Variants in RNF138 observed in about 807,000 individuals in gnomAD.
RNF138 encodes E3 ubiquitin-protein ligase RNF138.
RNF138 carries 12 observed loss-of-function variants against 31.0 expected under a neutral mutation model. That is an observed-to-expected ratio of 0.39 (90% CI 0.25 to 0.63). The LOEUF is 0.63. Ranked by LOEUF, RNF138 falls within the 20% of genes least tolerant of loss-of-function variation. RNF138 has a pLI of 0.52. For synonymous variants in RNF138, 105 were observed against 99.5 expected (o/e 1.06, Z -0.33); for missense variants, 192 against 300.1 (o/e 0.64, Z 2.66).
rs2144295779 is a variant in RNF138 at position 32,126,867 on chromosome 18, A to G, written c.669+67A>G. ...TTAAAGTTAAAATAACTTTTTTGTA[A>G]TCGACTTAAATTTTGTGGCAAGCTG... is the stretch of plus-strand genomic sequence containing the variant. On this transcript the variant is annotated intron_variant, in intron 7 of 7. Coordinates refer to ENST00000261593, the MANE Select transcript of RNF138 (RefSeq NM_016271.5). 6.2e-6 allele frequency: 6 copies of G among 973,310 alleles called. No homozygotes were observed. The South Asian group carries it at 7.1e-5, about 11-fold the overall frequency. 60.3% of individuals were successfully genotyped at this position (973,310 alleles called of 1,614,324 possible).
At chr18:32,123,648 T>C in intron 5 of RNF138, 74 bp downstream of exon 5, 3 of 1,034,556 alleles carry the variant, frequency 2.9e-6, no homozygotes, top group Non-Finnish European at 4.2e-6. Context: ...CTTTTTAAAT[T>C]AAACTTTTTT....
chr18:32,096,585 A>T (rs1398820550), intron 2 of RNF138, among the ~76,000 whole-genome samples: 1 of 152,194 alleles, frequency 6.6e-6, no homozygotes, highest in Admixed American at 6.6e-5. Context: ...AGAAAATTGC[A>T]GCCAGACAAG....
chr18:32,092,554 A>G (rs2039712487), intron 1 of RNF138, 146 bp from the exon 2 acceptor site: 2 of 536,462 alleles, frequency 3.7e-6, no homozygotes, highest in Admixed American at 6.7e-5. Context: ...CCCCTGTGGG[A>G]GGAGCCGTGG....
intron 2 of RNF138, among the ~76,000 whole-genome samples, chr18:32,105,865 T>C (rs1349092430): frequency 2.0e-5 from 3 of 152,146 alleles, no homozygotes; most frequent in Non-Finnish European, 4.4e-5. Context: ...GTGACTTTTT[T>C]CCCCCTGAAA....
At chr18:32,122,116 C>T (rs2040316035) in intron 4 of RNF138, among the ~76,000 whole-genome samples, 1 of 152,098 alleles carries the variant, frequency 6.6e-6, no homozygotes, top group African/African-American at 2.4e-5. Flanking sequence ...ATCCACCCGC[C>T]TCAGCCTTGC....
intron 6 of RNF138, 56 bp downstream of exon 6, chr18:32,124,901 T>TTA: frequency 1.2e-6 from 1 of 866,060 alleles, no homozygotes; most frequent in Non-Finnish European, 2.0e-6. Flanking sequence ...GCTGTTCTAT[T>TTA]TATTTCACTT....
intron 2 of RNF138, among the ~76,000 whole-genome samples, chr18:32,094,208 CT>C (rs11441456): frequency 6.7e-5 from 10 of 149,186 alleles, no homozygotes; most frequent in Non-Finnish European, 1.2e-4. Context: ...ACTTTTTTTT[CT>C]TTTTTTTTTG....
At chr18:32,095,076 GAAA>G (rs1439277360) in intron 2 of RNF138, among the ~76,000 whole-genome samples, 1 of 152,158 alleles carries the variant, frequency 6.6e-6, no homozygotes, top group South Asian at 2.1e-4. Context: ...GGCAGAGGGA[GAAA>G]AAAAGTTTAA....
At chr18:32,107,181 C>A (rs1391711242) in intron 2 of RNF138, among the ~76,000 whole-genome samples, 1 of 126,070 alleles carries the variant, frequency 7.9e-6, no homozygotes, top group African/African-American at 3.1e-5. Flanking sequence ...AGTGCAGTGG[C>A]GCGATCTCGG....
chr18:32,112,797 A>T (rs192752218), intron 3 of RNF138, among the ~76,000 whole-genome samples: 2 of 152,350 alleles, frequency 1.3e-5, no homozygotes, highest in Admixed American at 1.3e-4. Flanking sequence ...ATTTTATTCT[A>T]TCATTTGGAG....
At chr18:32,123,464 T>G (rs1423100027) in intron 4 of RNF138, 54 bp from the exon 5 acceptor site, 1 of 1,106,240 alleles carries the variant, frequency 9.0e-7, no homozygotes, top group East Asian at 2.6e-5. Context: ...TAATGAACCT[T>G]TAGTGTGTTT....
chr18:32,118,977 A>G (rs1568237749), intron 4 of RNF138, among the ~76,000 whole-genome samples: 1 of 152,154 alleles, frequency 6.6e-6, no homozygotes, highest in Non-Finnish European at 1.5e-5. Context: ...TTTTCTTTTT[A>G]TATCATGCCT....
At chr18:32,117,552 A>C (rs1490969578) in intron 4 of RNF138, among the ~76,000 whole-genome samples, 1 of 152,224 alleles carries the variant, frequency 6.6e-6, no homozygotes, top group African/African-American at 2.4e-5. Context: ...ACTAATTCAT[A>C]CTGTTTATTA....
At position 32,113,783 on chromosome 18, in the gene RNF138, TA is replaced by T; in HGVS notation, c.317del (p.Lys106ArgfsTer23). 6.5e-7 allele frequency: 1 copy of T among 1,539,812 alleles called. No homozygotes were observed. Among genetic ancestry groups the T allele is most frequent in the Non-Finnish European group, 8.7e-7 (1 of 1,142,954 alleles). ...YRMRHHYKSC[K>X]KYQDEYGVSS... ...GCATGAGACATCATTACAAATCTTG[TA>T]AGAAGTATCAGGATGAATATGGTGT... is the stretch of plus-strand genomic sequence containing the variant. On this transcript the variant is annotated frameshift_variant, in exon 4 of 8. Transcript: ENST00000261593. LOFTEE classifies it high-confidence loss of function.
chr18:32,093,138 C>T (rs2039736531), intron 2 of RNF138, among the ~76,000 whole-genome samples: 1 of 152,006 alleles, frequency 6.6e-6, no homozygotes, highest in South Asian at 2.1e-4. Flanking sequence ...CTCTCCCGCT[C>T]TCCCGCTCTC....
intron 2 of RNF138, among the ~76,000 whole-genome samples, chr18:32,107,720 T>A (rs2040058512): frequency 6.6e-6 from 1 of 150,430 alleles, no homozygotes; most frequent in Non-Finnish European, 1.5e-5. Context: ...GGTTTCACCA[T>A]GTTGGCCAGG....
chr18:32,106,262 C>A (rs1244011643), intron 2 of RNF138, among the ~76,000 whole-genome samples: 1 of 152,016 alleles, frequency 6.6e-6, no homozygotes, highest in African/African-American at 2.4e-5. Context: ...TTCCATAAGC[C>A]CTATAAGTTT....
intron 2 of RNF138, among the ~76,000 whole-genome samples, chr18:32,102,345 GCGCCCGCCGCCA>G (rs2039958237): frequency 6.6e-6 from 1 of 151,378 alleles, no homozygotes; most frequent in South Asian, 2.1e-4. Context: ...GGGACTACAG[GCGCCCGCCGCCA>G]CGCCCGGCTA....
At chr18:32,122,742 C>G (rs1279744995) in intron 4 of RNF138, among the ~76,000 whole-genome samples, 2 of 152,028 alleles carry the variant, frequency 1.3e-5, no homozygotes, top group Admixed American at 6.6e-5. Context: ...AAAAATTGCT[C>G]GAACCCAGGA....
Sources: allele counts gnomAD v4.1 joint callset (sites outside exome capture counted in the v4.1 genomes callset), GRCh38; gene constraint gnomAD v4.1.1; transcripts MANE v1.5; gene names NCBI Gene and HGNC (gene_info 2026-07-23, HGNC 2026-07-21).